NUP62CL: variants seen among roughly 807,000 people sequenced by gnomAD.
The protein encoded by NUP62CL is nucleoporin-62 C-terminal-like protein.
NUP62CL carries 13 observed loss-of-function variants against 15.3 expected under a neutral mutation model. That is an observed-to-expected ratio of 0.85 (90% CI 0.55 to 1.35). NUP62CL has a LOEUF of 1.35. Ranked by LOEUF, NUP62CL falls within the 40% of genes most tolerant of loss-of-function variation. NUP62CL has a pLI of 0.00. For missense variants in NUP62CL, 123 were observed against 130.6 expected (o/e 0.94, Z 0.28); for synonymous variants, 54 against 49.2 (o/e 1.10, Z -0.41).
At chrX:107,160,416 C>G (rs1428644978) in intron 4 of NUP62CL, among the ~76,000 whole-genome samples, 3 of 106,100 alleles carry the variant, frequency 2.8e-5, no homozygotes, top group Non-Finnish European at 5.8e-5. Flanking sequence ...CAGCATGGTA[C>G]TGGTACCAAA....
chrX:107,139,173 G>A (rs1214240726), intron 8 of NUP62CL, among the ~76,000 whole-genome samples: 1 of 111,384 alleles, frequency 9.0e-6, no homozygotes, highest in East Asian at 2.8e-4. Context: ...GGTGGGTAAG[G>A]GAACTTGGTA....
At chrX:107,134,408 G>T (rs1925591267) in intron 8 of NUP62CL, among the ~76,000 whole-genome samples, 1 of 112,080 alleles carries the variant, frequency 8.9e-6, no homozygotes, top group African/African-American at 3.2e-5. Flanking sequence ...TCTCACAATT[G>T]ATGGAGATAA....
chrX:107,170,644 C>A (rs1383135010), intron 3 of NUP62CL, among the ~76,000 whole-genome samples: 2 of 111,038 alleles, frequency 1.8e-5, no homozygotes, highest in Non-Finnish European at 3.8e-5. Context: ...GATCTCCTGA[C>A]CTCGTGATCC....
rs771740990 is a variant in NUP62CL, at chrX:107,138,949, C to T, written c.*42+8794G>A. Among the ~76,000 whole-genome samples the T allele has an allele frequency of 7.4e-4, 83 of 111,909 alleles. 2 individuals are homozygous for T. In the South Asian group the frequency reaches 0.022, roughly 29 times the overall value. On this transcript the variant is annotated intron_variant, in intron 8 of 8. Coordinates refer to ENST00000372466, the MANE Select transcript of NUP62CL (RefSeq NM_017681.3). ...TTAAACCAACTGCGGTATACCCATACCATGGAATATTACTCAGCAATAGAA... is the reference window on the plus strand; with the variant it reads ...TTAAACCAACTGCGGTATACCCATATCATGGAATATTACTCAGCAATAGAA...
At chrX:107,179,503 G>A (rs1926865046) in intron 2 of NUP62CL, among the ~76,000 whole-genome samples, 1 of 111,328 alleles carries the variant, frequency 9.0e-6, no homozygotes, top group African/African-American at 3.3e-5. Flanking sequence ...TTATACATGA[G>A]AACATGCAAT....
chrX:107,168,596 C>G (rs1482143248), intron 3 of NUP62CL, among the ~76,000 whole-genome samples: 4 of 112,391 alleles, frequency 3.6e-5, no homozygotes, highest in African/African-American at 1.3e-4. Context: ...TTGGTTCTTA[C>G]TACACACTGA....
intron 4 of NUP62CL, among the ~76,000 whole-genome samples, chrX:107,155,895 G>A (rs1926168357): frequency 8.9e-6 from 1 of 112,191 alleles, no homozygotes; most frequent in Admixed American, 9.3e-5. Flanking sequence ...GGGAGTGCCA[G>A]ACAGTGGGCG....
intron 2 of NUP62CL, among the ~76,000 whole-genome samples, chrX:107,180,715 T>C (rs1167211535): frequency 9.0e-6 from 1 of 111,084 alleles, no homozygotes; most frequent in Admixed American, 9.6e-5. Flanking sequence ...AGTGGTTAAC[T>C]GAGTATGGGA....
intron 1 of NUP62CL, among the ~76,000 whole-genome samples, chrX:107,201,753 C>T (rs746640112): frequency 1.8e-5 from 2 of 108,869 alleles, no homozygotes; most frequent in African/African-American, 3.3e-5. Context: ...CATAGTGAGA[C>T]CTTGTCTCTA....
At chrX:107,179,324 T>C (rs1191026726) in intron 2 of NUP62CL, among the ~76,000 whole-genome samples, 1 of 111,333 alleles carries the variant, frequency 9.0e-6, no homozygotes, top group Non-Finnish European at 1.9e-5. Context: ...ATATATTGCA[T>C]AATAGTGGGG....
At chrX:107,199,384 A>G (rs919139538) in intron 1 of NUP62CL, among the ~76,000 whole-genome samples, 1 of 111,949 alleles carries the variant, frequency 8.9e-6, no homozygotes, top group Non-Finnish European at 1.9e-5. Context: ...AAATCAGTTC[A>G]AGCCTGGGTA....
chrX:107,189,937 G>GAAAGA (rs1402291673), intron 2 of NUP62CL, among the ~76,000 whole-genome samples: 1 of 102,917 alleles, frequency 9.7e-6, no homozygotes, highest in Non-Finnish European at 2.0e-5. Context: ...AAGAAAGAAA[G>GAAAGA]AAAGAAAGAG....
rs1171409068 is a variant in NUP62CL, at chrX:107,156,743, G to A, written c.195-2497C>T. 1.9e-3 allele frequency among the ~76,000 whole-genome samples: 193 copies of A among 103,633 alleles called. 1 individual carries two copies. Among genetic ancestry groups the A allele is most frequent in the African/African-American group, 5.3e-3 (149 of 28,058 alleles). 90.0% of individuals were successfully genotyped at this position (103,633 alleles called of 115,157 possible). A position where few individuals can be genotyped will look rare whatever the true frequency, so the allele number is the denominator to read the frequency against. ...AGCGCCTCTCCTCCTCCAAAGGAAC[G>A]CAGTTCCTCACCAGCAACGGAACAA... On this transcript the variant is annotated intron_variant, in intron 4 of 8. Coordinates refer to ENST00000372466, the MANE Select transcript of NUP62CL (RefSeq NM_017681.3).
intron 2 of NUP62CL, among the ~76,000 whole-genome samples, chrX:107,184,619 G>C (rs1353130536): frequency 9.0e-6 from 1 of 111,449 alleles, no homozygotes; most frequent in African/African-American, 3.3e-5. Context: ...CTTAACTTTC[G>C]TGTCATCAGA....
chrX:107,174,538 C>A (rs1204687301), intron 3 of NUP62CL, among the ~76,000 whole-genome samples: 1 of 111,282 alleles, frequency 9.0e-6, no homozygotes, highest in Non-Finnish European at 1.9e-5. Context: ...TAATGTCTCA[C>A]CTCTTAGCTC....
At chrX:107,146,288 A>G (rs866060431) in intron 8 of NUP62CL, among the ~76,000 whole-genome samples, 52 of 111,848 alleles carry the variant, frequency 4.6e-4, no homozygotes, top group African/African-American at 1.7e-3. Context: ...TTCATTGATG[A>G]TCCTTGCCTG....
At chrX:107,200,660 G>T (rs1927461244) in intron 1 of NUP62CL, among the ~76,000 whole-genome samples, 1 of 107,921 alleles carries the variant, frequency 9.3e-6, no homozygotes, top group African/African-American at 3.4e-5. Flanking sequence ...AATCTTGGAG[G>T]AGCTGAGAAG....
intron 7 of NUP62CL, chrX:107,151,006 G>A (rs755315523): frequency 1.2e-5 from 4 of 337,280 alleles, no homozygotes; most frequent in African/African-American, 5.3e-5. Flanking sequence ...AACAAAAAGT[G>A]TTTTCTCCAC....
intron 2 of NUP62CL, among the ~76,000 whole-genome samples, chrX:107,183,229 C>A (rs1298399196): frequency 3.6e-5 from 4 of 110,436 alleles, no homozygotes; most frequent in African/African-American, 1.3e-4. Flanking sequence ...CATTTCAGGG[C>A]AGATGGAGTA....
Sources: allele counts gnomAD v4.1 joint callset (sites outside exome capture counted in the v4.1 genomes callset), GRCh38; gene constraint gnomAD v4.1.1; transcripts MANE v1.5; gene names NCBI Gene and HGNC (gene_info 2026-07-23, HGNC 2026-07-21).